GPR18: variants seen among roughly 807,000 people sequenced by gnomAD.
GPR18 encodes the protein N-arachidonyl glycine receptor.
A neutral mutation model predicts 22.8 loss-of-function variants in GPR18; 20 were observed. That is an observed-to-expected ratio of 0.88 (90% CI 0.62 to 1.28). The LOEUF (loss-of-function observed/expected upper bound fraction) is 1.28. Ranked by LOEUF, GPR18 falls within the 50% of genes most tolerant of loss-of-function variation. The pLI is 0.00. For synonymous variants in GPR18, 160 were observed against 155.3 expected, an observed-to-expected ratio of 1.03 and a Z score of -0.22; for missense variants, 379 against 412.0, an observed-to-expected ratio of 0.92 and a Z score of 0.69.
Position 99,254,885 on chromosome 13 carries a change from T to C in GPR18, c.988A>G (p.Met330Val), listed in dbSNP as rs780161923. The C allele has an allele frequency of 6.2e-7, 1 of 1,610,128 alleles. No individual in the cohort carries two copies. The highest frequency in any genetic ancestry group is 1.7e-5 in the Admixed American group (1 of 59,544). ...TGAAAGAACCTTATTATTCATAACATTTCACTGTTTATATTGCTTAGTGAC... is the reference window on the plus strand; with the variant it reads ...TGAAAGAACCTTATTATTCATAACACTTCACTGTTTATATTGCTTAGTGAC... The part of the protein sequence containing the change: ...LRSLSNINSE[M>V]L Residue 330 changes from methionine (M) to valine (V), a missense_variant, in exon 2 of 2, where the codon ATG becomes GTG. Physicochemically the swap from Met to Val is conservative, Grantham distance 21. Transcript: ENST00000397470.
intron 1 of GPR18, chr13:99,256,309 A>C (rs1475988982): frequency 6.5e-6 from 1 of 154,426 alleles, no homozygotes; most frequent in Non-Finnish European, 1.4e-5. Flanking sequence ...AAGTGGAAAC[A>C]CTTCATAATA....
chr13:99,256,710 C>CA (rs3031409), intron 1 of GPR18, among the ~76,000 whole-genome samples: 84,112 of 145,970 alleles, frequency 0.58, 24,529 homozygotes, highest in Middle Eastern at 0.72. Context: ...TTTCCATCAC[C>CA]AAAAAAAAAA....
At chr13:99,257,479 T>C (rs1344065760) in intron 1 of GPR18, among the ~76,000 whole-genome samples, 1 of 152,220 alleles carries the variant, frequency 6.6e-6, no homozygotes, top group Non-Finnish European at 1.5e-5. Context: ...CTTGAGTCTT[T>C]TTTCCCACGT....
In GPR18 at chr13:99,255,136, A is replaced by G. The variant is rs150932589; in HGVS notation, c.737T>C (p.Met246Thr). The G allele has an allele frequency of 1.1e-4, 184 of 1,614,182 alleles. No individual in the cohort carries two copies. The East Asian group carries it at 3.2e-3, about 28-fold the overall frequency. Residue 246 changes from methionine (M) to threonine (T), a missense_variant, in exon 2 of 2, where the codon ATG (methionine) becomes ACG (threonine). Transcript: ENST00000397470. The stretch of plus-strand genomic sequence containing the variant: ...GAAAGCGAAACAGATGTGGAAGGGC[A>G]TAAAGCAGACGAGCACCTGCACCAG... ...TLLVQVLVCF[M>T]PFHICFAFLM...
chr13:99,255,727 C>T lies in GPR18; in HGVS notation c.146G>A (p.Cys49Tyr), dbSNP rs553909988. 6.2e-7 allele frequency: 1 copy of T among 1,613,880 alleles called. No individual in the cohort carries two copies. The highest frequency in any genetic ancestry group is 2.2e-5 in the East Asian group (1 of 44,868). Residue 49 changes from cysteine (C) to tyrosine (Y), a missense_variant, in exon 2 of 2, where the codon TGT (cysteine) becomes TAT (tyrosine). Physicochemically the swap from Cys to Tyr is radical, Grantham distance 194. Coordinates refer to ENST00000397470, the MANE Select transcript of GPR18 (RefSeq NM_001098200.2). ...TACCGTGGTTCTCTTCTTGGTGGTA[C>T]AACTGAAAACCCATAATGCAGTGAT... ...VNITALWVFS[C>Y]TTKKRTTVTI...
Position 99,254,954 on chromosome 13 carries a change from G to C in GPR18, c.919C>G (p.Leu307Val), listed in dbSNP as rs780396822. ...VISVMLYRNY[L>V]RSMRRKSFRS... ...AAACTTTTTCTGCGCATGCTTCGAA[G>C]GTAATTACGGTATAGCATGACACTA... The change falls in exon 2 of 2, where the codon CTT (leucine) becomes GTT (valine). Residue 307 changes from leucine to valine, a missense_variant. By Grantham distance (32) the Leu-to-Val change is conservative. Coordinates refer to ENST00000397470, the MANE Select transcript of GPR18 (RefSeq NM_001098200.2). 6.2e-7 allele frequency: 1 copy of C among 1,614,042 alleles called. No homozygotes were observed. The highest frequency in any genetic ancestry group is 2.2e-5 in the East Asian group (1 of 44,878).
rs372739338 is a variant in GPR18, at chr13:99,255,883, G to C, written c.-11C>G. ...GTTCAGGGTGATCATTTTACAGCTTGTTGGTAGGCATGATACTTAGAAACT... is the reference window on the plus strand; with the variant it reads ...GTTCAGGGTGATCATTTTACAGCTTCTTGGTAGGCATGATACTTAGAAACT... On this transcript the variant is annotated 5_prime_UTR_variant, in exon 2 of 2. Coordinates refer to ENST00000397470, the MANE Select transcript of GPR18 (RefSeq NM_001098200.2). The C allele has an allele frequency of 2.1e-5, 32 of 1,530,740 alleles. No homozygotes were observed. The highest frequency in any genetic ancestry group is 2.8e-5 in the African/African-American group (2 of 71,614). The allele number at this position is 1,530,740 out of a possible 1,614,324, so 94.8% of individuals were successfully genotyped here.
rs762416389 is a variant in GPR18 at position 99,255,921 on chromosome 13, A to G, written c.-34-15T>C. 2 of 1,458,116 alleles carry G rather than the reference A, an allele frequency of 1.4e-6. No homozygotes were observed. The highest frequency in any genetic ancestry group is 2.4e-5 in the Admixed American group (1 of 40,940). The allele number at this position is 1,458,116 out of a possible 1,614,324, so 90.3% of individuals were successfully genotyped here. On this transcript the variant is annotated splice_polypyrimidine_tract_variant and intron_variant, in intron 1 of 1. Coordinates refer to ENST00000397470, the MANE Select transcript of GPR18 (RefSeq NM_001098200.2). ...ATACTTAGAAACTGTAAAAATAGTT[A>G]AGAAAAATAAGAATAAAATCGTTGG...
chr13:99,257,188 C>T (rs927451714), intron 1 of GPR18, among the ~76,000 whole-genome samples: 1 of 151,820 alleles, frequency 6.6e-6, no homozygotes, highest in Admixed American at 6.6e-5. Context: ...TATTTAAAAA[C>T]ATATTAAATT....
Position 99,254,818 on chromosome 13 carries a change from A to G in GPR18, c.*59T>C, listed in dbSNP as rs1363385012. 1.5e-6 allele frequency: 2 copies of G among 1,300,988 alleles called. No homozygotes were observed. The highest frequency in any genetic ancestry group is 1.4e-5 in the South Asian group (1 of 72,626). 80.6% of individuals were successfully genotyped at this position (1,300,988 alleles called of 1,614,324 possible). ...ATAGTATTATACAGAATATCCATTG[A>G]CGCCAGAGTAGTTAGTGAAGTGAAT... On this transcript the variant is annotated 3_prime_UTR_variant, in exon 2 of 2. Coordinates refer to ENST00000397470, the MANE Select transcript of GPR18 (RefSeq NM_001098200.2).
Position 99,257,713 on chromosome 13 carries a change from A to T in GPR18, c.-35+441T>A, listed in dbSNP as rs183944141. 9.8e-5 allele frequency among the ~76,000 whole-genome samples: 15 copies of T among 152,322 alleles called. No homozygotes were observed. The East Asian group carries it at 2.9e-3, about 29-fold the overall frequency. On this transcript the variant is annotated intron_variant, in intron 1 of 1. Transcript: ENST00000397470. Reference sequence around the variant, plus strand: ...ATCTGTAGCTTTTCTTTTCTTAAAAACCATTAAGTTATTTCATGAAACAAT... The same window carrying T: ...ATCTGTAGCTTTTCTTTTCTTAAAATCCATTAAGTTATTTCATGAAACAAT...
In GPR18 at chr13:99,255,337, A is replaced by G. The variant is rs1407410248; in HGVS notation, c.536T>C (p.Ile179Thr). The change falls in exon 2 of 2, where the codon ATC (isoleucine) becomes ACC (threonine). Residue 179 changes from isoleucine to threonine, a missense_variant. By Grantham distance (89) the Ile-to-Thr change is moderately conservative (BLOSUM62 -1). Coordinates refer to ENST00000397470, the MANE Select transcript of GPR18 (RefSeq NM_001098200.2). ...CAGCACGTTCACAGCTTTTAGATAG[A>G]TGATGTCAGAAATCTTGAGGCAGGT... Reference protein sequence around the residue: ...PATCLKISDIIYLKAVNVLNL... With the variant: ...PATCLKISDITYLKAVNVLNL... The G allele has an allele frequency of 1.2e-6, 2 of 1,614,038 alleles. No homozygotes were observed. The highest frequency in any genetic ancestry group is 1.7e-6 in the Non-Finnish European group (2 of 1,180,030).
intron 1 of GPR18, 54 bp from the exon 2 acceptor site, chr13:99,255,960 G>T: frequency 1.6e-6 from 2 of 1,278,006 alleles, no homozygotes; most frequent in Non-Finnish European, 2.1e-6. Flanking sequence ...AAAAATAAAT[G>T]CTTAACATTC....
chr13:99,255,794 C>G lies in GPR18; in HGVS notation c.79G>C (p.Val27Leu). 2 of 1,612,084 alleles carry G rather than the reference C, an allele frequency of 1.2e-6. No individual in the cohort carries two copies. The highest frequency in any genetic ancestry group is 8.5e-7 in the Non-Finnish European group (1 of 1,179,064). ...ATTATGAAGATACAGCTATAGAAGACAAGGGCTGCAATTTTGTATTCATCT... is the reference window on the plus strand; with the variant it reads ...ATTATGAAGATACAGCTATAGAAGAGAAGGGCTGCAATTTTGTATTCATCT... ...HPDEYKIAALVFYSCIFIIGL... is the reference protein window; with the variant it reads ...HPDEYKIAALLFYSCIFIIGL... Residue 27 changes from valine (V) to leucine (L), a missense_variant, in exon 2 of 2, where the codon GTC (valine) becomes CTC (leucine). Coordinates refer to ENST00000397470, the MANE Select transcript of GPR18 (RefSeq NM_001098200.2).
Position 99,255,687 on chromosome 13 carries a change from C to T in GPR18, c.186G>A (p.Met62Ile). 1 of 1,613,968 alleles carries T rather than the reference C, an allele frequency of 6.2e-7. No homozygotes were observed. The highest frequency in any genetic ancestry group is 8.5e-7 in the Non-Finnish European group (1 of 1,179,922). ...KKRTTVTIYM[M>I]NVALVDLIFI... ...ATATCAAGTCCACTAATGCCACATT[C>T]ATCATATAGATGGTTACCGTGGTTC... The change falls in exon 2 of 2, where the codon ATG (methionine) becomes ATA (isoleucine). Residue 62 changes from methionine to isoleucine, a missense_variant. Transcript: ENST00000397470.
Position 99,254,776 on chromosome 13 carries a change from A to G in GPR18, c.*101T>C. ...ATGAAGATAATGAATTTATTTTTTC[A>G]AGAGAAAAGGGACTTGATAGTATTA... On this transcript the variant is annotated 3_prime_UTR_variant, in exon 2 of 2. Coordinates refer to ENST00000397470, the MANE Select transcript of GPR18 (RefSeq NM_001098200.2). 1 of 839,838 alleles carries G rather than the reference A, an allele frequency of 1.2e-6. No individual in the cohort carries two copies. The highest frequency in any genetic ancestry group is 1.8e-6 in the Non-Finnish European group (1 of 552,618). 52.0% of individuals were successfully genotyped at this position (839,838 alleles called of 1,614,324 possible).
chr13:99,255,920 TAAG>T lies in GPR18; in HGVS notation c.-34-17_-34-15del, dbSNP rs1411488229. ...GATACTTAGAAACTGTAAAAATAGT[TAAG>T]AAAAATAAGAATAAAATCGTTGGTT... On this transcript the variant is annotated splice_polypyrimidine_tract_variant and intron_variant, in intron 1 of 1. Transcript: ENST00000397470. 2 of 1,446,796 alleles carry T rather than the reference TAAG, an allele frequency of 1.4e-6. No homozygotes were observed. The highest frequency in any genetic ancestry group is 1.8e-6 in the Non-Finnish European group (2 of 1,083,168). 89.6% of individuals were successfully genotyped at this position (1,446,796 alleles called of 1,614,324 possible). A position where few individuals can be genotyped will look rare whatever the true frequency, so the allele number is the denominator to read the frequency against.
Position 99,255,304 on chromosome 13 carries a change from G to A in GPR18, c.569C>T (p.Thr190Ile), listed in dbSNP as rs1398977315. 12 of 1,614,048 alleles carry A rather than the reference G, an allele frequency of 7.4e-6. No homozygotes were observed. Among genetic ancestry groups the A allele is most frequent in the African/African-American group, 2.7e-5 (2 of 74,914 alleles). The stretch of plus-strand genomic sequence containing the variant: ...AATCAAGAAAAAAAATGTCAGTCGA[G>A]TGAGGTTCAGCACGTTCACAGCTTT... ...YLKAVNVLNL[T>I]RLTFFFLIPL... is the part of the protein sequence containing the mutation. Residue 190 changes from threonine to isoleucine, a missense_variant, in exon 2 of 2, where the codon ACT becomes ATT. Transcript: ENST00000397470.
At position 99,255,909 on chromosome 13, in the gene GPR18, G is replaced by A; in HGVS notation, c.-34-3C>T. On this transcript the variant is annotated splice_polypyrimidine_tract_variant and splice_region_variant and intron_variant, in intron 1 of 1. Coordinates refer to ENST00000397470, the MANE Select transcript of GPR18 (RefSeq NM_001098200.2). The stretch of plus-strand genomic sequence containing the variant: ...TTGGTAGGCATGATACTTAGAAACT[G>A]TAAAAATAGTTAAGAAAAATAAGAA... The A allele has an allele frequency of 6.8e-7, 1 of 1,467,976 alleles. No individual in the cohort carries two copies. The highest frequency in any genetic ancestry group is 9.1e-7 in the Non-Finnish European group (1 of 1,104,446). 90.9% of individuals were successfully genotyped at this position (1,467,976 alleles called of 1,614,324 possible).
Sources: allele counts gnomAD v4.1 joint callset (sites outside exome capture counted in the v4.1 genomes callset), GRCh38; gene constraint gnomAD v4.1.1; transcripts MANE v1.5; gene names NCBI Gene and HGNC (gene_info 2026-07-23, HGNC 2026-07-21).